DLG1: variants seen among roughly 807,000 people sequenced by gnomAD.
DLG1 encodes disks large homolog 1.
Under a neutral mutation model 123.4 loss-of-function variants are expected in DLG1, and 42 were observed. The observed-to-expected ratio is 0.34, with a 90% CI of 0.27 to 0.44. The LOEUF is 0.44. Ranked by LOEUF, DLG1 falls within the 20% of genes least tolerant of loss-of-function variation. The pLI, the probability that DLG1 is intolerant of heterozygous loss-of-function variation, is 1.00. For missense variants in DLG1, 942 were observed against 1,082.6 expected, an observed-to-expected ratio of 0.87 and a Z score of 1.82; for synonymous variants, 317 against 356.2, an observed-to-expected ratio of 0.89 and a Z score of 1.24.
intron 5 of DLG1, among the ~76,000 whole-genome samples, chr3:197,180,882 T>C (rs1292061378): frequency 6.6e-6 from 1 of 152,130 alleles, no homozygotes; most frequent in African/African-American, 2.4e-5. Context: ...GGAGATAACA[T>C]TTGAGGTGAA....
chr3:197,241,600 AAACAGT>A, intron 4 of DLG1, among the ~76,000 whole-genome samples: 1 of 152,306 alleles, frequency 6.6e-6, no homozygotes, highest in South Asian at 2.1e-4. Context: ...AATCTATCAA[AAACAGT>A]AACAGTTACA....
chr3:197,204,623 C>G (rs180977044), intron 4 of DLG1, among the ~76,000 whole-genome samples: 38 of 152,228 alleles, frequency 2.5e-4, no homozygotes, highest in African/African-American at 8.7e-4. Flanking sequence ...TCTACAGATT[C>G]AAACACCTGC....
At chr3:197,276,785 A>G (rs973000078) in intron 4 of DLG1, among the ~76,000 whole-genome samples, 2 of 152,170 alleles carry the variant, frequency 1.3e-5, no homozygotes, top group African/African-American at 4.8e-5. Context: ...GAAATTCTAT[A>G]AAGTCAGCAG....
intron 18 of DLG1, chr3:197,075,859 G>C: frequency 6.2e-7 from 1 of 1,612,052 alleles, no homozygotes; most frequent in Non-Finnish European, 8.5e-7. Context: ...ATCCCATGTC[G>C]TCAGGGATCT....
At chr3:197,197,209 C>G (rs1204112917) in intron 4 of DLG1, among the ~76,000 whole-genome samples, 1 of 152,146 alleles carries the variant, frequency 6.6e-6, no homozygotes, top group Non-Finnish European at 1.5e-5. Flanking sequence ...AAATTGGTAG[C>G]TGGACGCAAC....
intron 5 of DLG1, among the ~76,000 whole-genome samples, chr3:197,169,485 G>A (rs1485628861): frequency 5.3e-5 from 8 of 152,092 alleles, no homozygotes; most frequent in Non-Finnish European, 8.8e-5. Context: ...GAGTGAGGAA[G>A]GCCTATTAAC....
intron 6 of DLG1, among the ~76,000 whole-genome samples, chr3:197,143,051 C>T (rs946221786): frequency 1.3e-5 from 2 of 152,324 alleles, no homozygotes; most frequent in African/African-American, 2.4e-5. Flanking sequence ...TCTTGATCCA[C>T]ACATCTAATC....
At chr3:197,158,354 G>A (rs1036211710) in intron 5 of DLG1, among the ~76,000 whole-genome samples, 1 of 151,954 alleles carries the variant, frequency 6.6e-6, no homozygotes, top group African/African-American at 2.4e-5. Flanking sequence ...TGGATGCAGT[G>A]GCTCATGCCT....
Position 197,044,557 on chromosome 3 carries a change from G to A in DLG1, c.*66C>T, listed in dbSNP as rs1416302160. 3 of 1,109,704 alleles carry A rather than the reference G, an allele frequency of 2.7e-6. No individual in the cohort carries two copies. The highest frequency in any genetic ancestry group is 4.0e-6 in the Non-Finnish European group (3 of 745,312). 68.7% of individuals were successfully genotyped at this position (1,109,704 alleles called of 1,614,324 possible). A position where few individuals can be genotyped will look rare whatever the true frequency, so the allele number is the denominator to read the frequency against. Reference sequence around the variant, plus strand: ...ATCAGTACTCAAGAAAGACTCCAGAGGAAAGGGCAAAGAGATGCCAAAGAA... The same window carrying A: ...ATCAGTACTCAAGAAAGACTCCAGAAGAAAGGGCAAAGAGATGCCAAAGAA... On this transcript the variant is annotated 3_prime_UTR_variant, in exon 25 of 25. Coordinates refer to ENST00000667157, the MANE Select transcript of DLG1 (RefSeq NM_001366207.1).
chr3:197,086,309 A>AG (rs1754317922), intron 15 of DLG1, among the ~76,000 whole-genome samples: 1 of 152,222 alleles, frequency 6.6e-6, no homozygotes, highest in African/African-American at 2.4e-5. Context: ...GCTGCCAAAT[A>AG]TTTTGGAGAA....
At chr3:197,159,674 G>A (rs1797995994) in intron 5 of DLG1, among the ~76,000 whole-genome samples, 1 of 152,110 alleles carries the variant, frequency 6.6e-6, no homozygotes, top group African/African-American at 2.4e-5. Context: ...ATTTTATAAT[G>A]TACACATTGT....
chr3:197,138,673 G>A (rs577012968), intron 8 of DLG1, among the ~76,000 whole-genome samples: 71 of 152,104 alleles, frequency 4.7e-4, no homozygotes, highest in Non-Finnish European at 9.0e-4. Context: ...CATACTTCCT[G>A]CATGCTTATT....
At chr3:197,153,168 A>G (rs1561077352) in intron 5 of DLG1, among the ~76,000 whole-genome samples, 1 of 152,228 alleles carries the variant, frequency 6.6e-6, no homozygotes, top group Non-Finnish European at 1.5e-5. Flanking sequence ...TTTGAGACAC[A>G]TTGCATTCAA....
At chr3:197,052,464 A>AAAAT (rs1041707724) in intron 23 of DLG1, among the ~76,000 whole-genome samples, 2 of 152,174 alleles carry the variant, frequency 1.3e-5, no homozygotes, top group African/African-American at 2.4e-5. Flanking sequence ...CCACAACAAC[A>AAAAT]AAATAAATAA....
At chr3:197,162,328 A>G (rs1799133612) in intron 5 of DLG1, among the ~76,000 whole-genome samples, 1 of 152,242 alleles carries the variant, frequency 6.6e-6, no homozygotes, top group African/African-American at 2.4e-5. Context: ...ATTAAACTAA[A>G]AAGTTCACTG....
At chr3:197,234,589 A>G (rs1379155452) in intron 4 of DLG1, among the ~76,000 whole-genome samples, 1 of 152,242 alleles carries the variant, frequency 6.6e-6, no homozygotes, top group Non-Finnish European at 1.5e-5. Context: ...ATGAAAAACT[A>G]ACCTTGGACT....
intron 13 of DLG1, among the ~76,000 whole-genome samples, chr3:197,105,893 T>C (rs184914929): frequency 1.1e-3 from 166 of 152,278 alleles, no homozygotes; most frequent in African/African-American, 3.9e-3. Flanking sequence ...CTGAAAATTT[T>C]TGGAAAGGAA....
At chr3:197,272,914 A>T (rs910349470) in intron 4 of DLG1, among the ~76,000 whole-genome samples, 1 of 152,162 alleles carries the variant, frequency 6.6e-6, no homozygotes. Context: ...GATAAAATGG[A>T]CATGCTATAA....
intron 4 of DLG1, among the ~76,000 whole-genome samples, chr3:197,241,785 ATT>A (rs776923985): frequency 6.6e-6 from 1 of 152,162 alleles, no homozygotes; most frequent in African/African-American, 2.4e-5. Flanking sequence ...CTTTAAGATA[ATT>A]TGTTATTTTT....
Sources: allele counts gnomAD v4.1 joint callset (sites outside exome capture counted in the v4.1 genomes callset), GRCh38; gene constraint gnomAD v4.1.1; transcripts MANE v1.5; gene names NCBI Gene and HGNC (gene_info 2026-07-23, HGNC 2026-07-21).